Variants in ERLIN2 observed in about 807,000 individuals in gnomAD.
ERLIN2 encodes erlin-2.
In ERLIN2, 22 loss-of-function variants were observed where a neutral mutation model predicts 41.5. The observed-to-expected ratio is 0.53, with a 90% CI of 0.38 to 0.76. The LOEUF (loss-of-function observed/expected upper bound fraction) is 0.76, where lower values mean the gene tolerates loss of function less well. Ranked by LOEUF, ERLIN2 falls within the 30% of genes least tolerant of loss-of-function variation. The pLI is 0.00. For missense variants in ERLIN2, 247 were observed against 414.3 expected (o/e 0.60, Z 3.51); for synonymous variants, 149 against 150.9 (o/e 0.99, Z 0.09).
Position 37,741,444 on chromosome 8 carries a change from G to T in ERLIN2, c.190-328G>T, listed in dbSNP as rs746756890. On this transcript the variant is annotated intron_variant, in intron 3 of 11. Transcript: ENST00000519638. The surrounding 1 kb of genome is among the most constrained non-coding windows in gnomAD (Gnocchi z 4.8). The stretch of plus-strand genomic sequence containing the variant: ...TCCCCGGTTTCAAGCATCCACTGGG[G>T]GCCTTCGAACATAAAGCGGTGCCTA... 6.6e-6 allele frequency among the ~76,000 whole-genome samples: 1 copy of T among 152,116 alleles called. No individual in the cohort carries two copies. The highest frequency in any genetic ancestry group is 2.4e-5 in the African/African-American group (1 of 41,412).
intron 6 of ERLIN2, among the ~76,000 whole-genome samples, chr8:37,749,177 C>A (rs987529931): frequency 6.6e-6 from 1 of 152,200 alleles, no homozygotes; most frequent in African/African-American, 2.4e-5. Context: ...AACTGTGAAC[C>A]TTCCTTCTCT....
In ERLIN2 at chr8:37,756,140, G is replaced by T. The variant is rs1803353873; in HGVS notation, c.*2025G>T. 6.6e-6 allele frequency: 1 copy of T among 152,272 alleles called. No individual in the cohort carries two copies. Among genetic ancestry groups the T allele is most frequent in the Non-Finnish European group, 1.5e-5 (1 of 68,126 alleles). The allele number at this position is 152,272 out of a possible 1,614,324, so 9.4% of individuals were successfully genotyped here. A position where few individuals can be genotyped will look rare whatever the true frequency, so the allele number is the denominator to read the frequency against. On this transcript the variant is annotated 3_prime_UTR_variant, in exon 12 of 12. Coordinates refer to ENST00000519638, the MANE Select transcript of ERLIN2 (RefSeq NM_007175.8). ...GGAGGCAGAGGTTGCAGTGAGCCAA[G>T]ATCATGCCATCCCACTCTAGCTTGG...
chr8:37,743,755 A>G (rs916599921), intron 4 of ERLIN2, among the ~76,000 whole-genome samples: 1 of 152,202 alleles, frequency 6.6e-6, no homozygotes, highest in African/African-American at 2.4e-5. Context: ...TCACCAAAGT[A>G]AAGGAGTAAA....
rs567836974 is a variant in ERLIN2 at position 37,739,017 on chromosome 8, G to GT, written c.107+998dup. On this transcript the variant is annotated intron_variant, in intron 2 of 11. Coordinates refer to ENST00000519638, the MANE Select transcript of ERLIN2 (RefSeq NM_007175.8). Reference sequence around the variant, plus strand: ...CATTATGTCACTGTTTATTTTATTGGTTTTTTTTTTAATTCTTTGCCTAAT... The same window carrying GT: ...CATTATGTCACTGTTTATTTTATTGGTTTTTTTTTTTAATTCTTTGCCTAAT... 1.6e-3 allele frequency among the ~76,000 whole-genome samples: 237 copies of GT among 150,262 alleles called. 1 individual carries two copies. Among genetic ancestry groups the GT allele is most frequent in the South Asian group, 0.016 (74 of 4,750 alleles).
chr8:37,737,677 G>A (rs1802698620), intron 1 of ERLIN2: 2 of 522,582 alleles, frequency 3.8e-6, no homozygotes, highest in African/African-American at 1.9e-5. Context: ...GGCTGTATCC[G>A]GAGCCAGTGC....
intron 11 of ERLIN2, 118 bp from the exon 12 acceptor site, chr8:37,753,797 A>C (rs1420841223): frequency 2.2e-6 from 2 of 908,730 alleles, no homozygotes; most frequent in Non-Finnish European, 3.5e-6. Flanking sequence ...GAAATGTAAC[A>C]ATGAGACCAC....
Position 37,741,853 on chromosome 8 carries a change from T to G in ERLIN2, c.236+35T>G, listed in dbSNP as rs1358351921. The stretch of plus-strand genomic sequence containing the variant: ...CCAGAATAAAGCTTTTAAGCCCAAA[T>G]AAGTCAGAGAAAAGGCTGTCTGGCT... On this transcript the variant is annotated intron_variant, in intron 4 of 11. Coordinates refer to ENST00000519638, the MANE Select transcript of ERLIN2 (RefSeq NM_007175.8). The surrounding 1 kb of genome is among the most constrained non-coding windows in gnomAD (Gnocchi z 4.8). 6.4e-7 allele frequency: 1 copy of G among 1,558,176 alleles called. No individual in the cohort carries two copies. The highest frequency in any genetic ancestry group is 8.9e-7 in the Non-Finnish European group (1 of 1,128,914).
In ERLIN2 at chr8:37,756,500, AG is replaced by A. The variant is rs1010804287; in HGVS notation, c.*2386del. ...CGATAGCTTGTCCCATGAGCACAGA[AG>A]AGCCTCAGTAGAGTCAAGTCCTGCT... On this transcript the variant is annotated 3_prime_UTR_variant, in exon 12 of 12. Transcript: ENST00000519638. 3.3e-5 allele frequency: 5 copies of A among 152,668 alleles called. No individual in the cohort carries two copies. Among genetic ancestry groups the A allele is most frequent in the African/African-American group, 7.2e-5 (3 of 41,460 alleles). 9.5% of individuals were successfully genotyped at this position (152,668 alleles called of 1,614,324 possible). A position where few individuals can be genotyped will look rare whatever the true frequency, so the allele number is the denominator to read the frequency against.
At position 37,748,888 on chromosome 8, in the gene ERLIN2, C is replaced by T. The variant is rs546819143; in HGVS notation, c.425-671C>T. Among the ~76,000 whole-genome samples the T allele has an allele frequency of 3.3e-5, 5 of 152,274 alleles. No individual in the cohort carries two copies. The South Asian group carries it at 1.0e-3, about 32-fold the overall frequency. ...GGGGGAGAGTCAGTTACAGCTGTTC[C>T]TACATTTGTCTGTGAAACAACTCAT... On this transcript the variant is annotated intron_variant, in intron 6 of 11. Transcript: ENST00000519638.
intron 10 of ERLIN2, among the ~76,000 whole-genome samples, chr8:37,752,837 G>A (rs532372681): frequency 4.5e-4 from 69 of 152,358 alleles, no homozygotes; most frequent in African/African-American, 1.5e-3. Context: ...GGACCATGGC[G>A]TGTAATTCTC....
At chr8:37,738,572 AAAAAAATAAAAT>A (rs1314767480) in intron 2 of ERLIN2, among the ~76,000 whole-genome samples, 6 of 152,106 alleles carry the variant, frequency 3.9e-5, no homozygotes, top group Admixed American at 3.3e-4. Flanking sequence ...CCCTATCTCT[AAAAAAATAAAAT>A]AAAAAATAAA....
chr8:37,741,074 T>C lies in ERLIN2; in HGVS notation c.189+628T>C, dbSNP rs1802836465. Among the ~76,000 whole-genome samples, 1 of 152,212 alleles carries C rather than the reference T, an allele frequency of 6.6e-6. No individual in the cohort carries two copies. The highest frequency in any genetic ancestry group is 1.9e-4 in the East Asian group (1 of 5,206). On this transcript the variant is annotated intron_variant, in intron 3 of 11. Transcript: ENST00000519638. This position sits in a 1 kb window ranked among gnomAD's most constrained non-coding sequence, Gnocchi z 4.8. Reference sequence around the variant, plus strand: ...TTTCAAACTGCATTCAGGTACATTGTCTCATTTGAGTCTTGTAGTAATCCT... The same window carrying C: ...TTTCAAACTGCATTCAGGTACATTGCCTCATTTGAGTCTTGTAGTAATCCT...
intron 6 of ERLIN2, chr8:37,745,666 A>G (rs1490343253): frequency 6.2e-7 from 1 of 1,613,076 alleles, no homozygotes; most frequent in Non-Finnish European, 8.5e-7. Context: ...ATCGCCAGCA[A>G]TCATAATTAA....
chr8:37,748,080 C>T (rs1414299401), intron 6 of ERLIN2: 7 of 1,151,976 alleles, frequency 6.1e-6, no homozygotes, highest in Admixed American at 5.4e-5. Context: ...GCGCGCCTTG[C>T]GCCTTTTCCC....
intron 4 of ERLIN2, among the ~76,000 whole-genome samples, chr8:37,743,470 C>A (rs1167109779): frequency 2.6e-5 from 4 of 152,126 alleles, no homozygotes; most frequent in Non-Finnish European, 5.9e-5. Context: ...TTGGTGGATA[C>A]CAGACCTTTT....
At chr8:37,744,794 G>A (rs759965172) in intron 6 of ERLIN2, 98 bp downstream of exon 6, 380 of 1,273,496 alleles carry the variant, frequency 3.0e-4, no homozygotes, top group Middle Eastern at 2.6e-3. Flanking sequence ...AGGGTGTGAT[G>A]GTCACTTATG....
intron 1 of ERLIN2, 57 bp downstream of exon 1, chr8:37,736,735 G>A (rs1460074604): frequency 4.1e-6 from 4 of 985,616 alleles, no homozygotes; most frequent in African/African-American, 1.7e-5. Flanking sequence ...CTCAGGGTCG[G>A]GGCTGACCCG....
intron 1 of ERLIN2, 134 bp from the exon 2 acceptor site, chr8:37,737,774 A>C (rs950107615): frequency 1.0e-5 from 10 of 985,422 alleles, no homozygotes; most frequent in Non-Finnish European, 1.5e-5. Context: ...TTGTAGATCT[A>C]GCCTTGTGTT....
Position 37,741,404 on chromosome 8 carries a change from T to C in ERLIN2, c.190-368T>C, listed in dbSNP as rs758455860. ...TAAACTTTATCATAGGTATGTGTTA[T>C]AGGGTTTGGTACTCTCCCCGGTTTC... On this transcript the variant is annotated intron_variant, in intron 3 of 11. Coordinates refer to ENST00000519638, the MANE Select transcript of ERLIN2 (RefSeq NM_007175.8). This position sits in a 1 kb window ranked among gnomAD's most constrained non-coding sequence, Gnocchi z 4.8. Among the ~76,000 whole-genome samples the C allele has an allele frequency of 3.9e-5, 6 of 152,248 alleles. No homozygotes were observed. Among genetic ancestry groups the C allele is most frequent in the Admixed American group, 2.0e-4 (3 of 15,288 alleles).
Sources: gnomAD v4.1 joint callset for allele counts (sites outside exome capture counted in the v4.1 genomes callset) on GRCh38, gnomAD v4.1.1 for gene constraint, Gnocchi (gnomAD v3.1) non-coding constraint, MANE v1.5 for transcripts, NCBI Gene and HGNC (gene_info 2026-07-23, HGNC 2026-07-21) for gene names.